The following PLPP1 variants were observed in gnomAD, a reference collection of about 807,000 sequenced individuals.
The protein encoded by PLPP1 is phospholipid phosphatase 1, also known as lipid phosphate phosphohydrolase 1a.
In PLPP1, 24 loss-of-function variants were observed where a neutral mutation model predicts 31.2. The observed-to-expected ratio is 0.77, with a 90% CI of 0.56 to 1.08. The LOEUF is 1.08. Ranked by LOEUF, PLPP1 falls within the 50% of genes least tolerant of loss-of-function variation. The pLI, the probability that PLPP1 is intolerant of heterozygous loss-of-function variation, is 0.00. For missense variants in PLPP1, 319 were observed against 342.7 expected (o/e 0.93, Z 0.55); for synonymous variants, 146 against 126.3 (o/e 1.16, Z -1.05).
intron 4 of PLPP1, among the ~76,000 whole-genome samples, chr5:55,440,316 A>G (rs1018733389): frequency 5.9e-5 from 9 of 152,202 alleles, no homozygotes; most frequent in Non-Finnish European, 1.2e-4. Context: ...TCACAGGCCC[A>G]TGCTCTGGGA....
At chr5:55,517,930 C>G (rs1359963109) in intron 1 of PLPP1, among the ~76,000 whole-genome samples, 3 of 152,248 alleles carry the variant, frequency 2.0e-5, no homozygotes, top group Admixed American at 2.0e-4. Context: ...TCACCGCAAC[C>G]TCTGCCTCCC....
chr5:55,467,715 T>C (rs944552340), intron 3 of PLPP1, among the ~76,000 whole-genome samples, 154 bp downstream of exon 3: 1 of 152,034 alleles, frequency 6.6e-6, no homozygotes, highest in Non-Finnish European at 1.5e-5. Context: ...GAAAAAGGCA[T>C]GATGAGAGAG....
chr5:55,464,373 T>A (rs1752237786), intron 3 of PLPP1, among the ~76,000 whole-genome samples: 1 of 152,064 alleles, frequency 6.6e-6, no homozygotes, highest in Non-Finnish European at 1.5e-5. Context: ...TAGCTGGGAT[T>A]ACAGGTGTGC....
chr5:55,475,132 C>T (rs939636629), intron 2 of PLPP1, among the ~76,000 whole-genome samples, 167 bp downstream of exon 2: 1 of 152,096 alleles, frequency 6.6e-6, no homozygotes, highest in Non-Finnish European at 1.5e-5. Context: ...TATTTTTTGA[C>T]TCCACTTAAA....
chr5:55,472,875 G>A (rs181958397), intron 2 of PLPP1, among the ~76,000 whole-genome samples: 10 of 152,266 alleles, frequency 6.6e-5, no homozygotes, highest in Non-Finnish European at 1.3e-4. Flanking sequence ...GCCCTGTGTA[G>A]GCCGTGCACA....
intron 5 of PLPP1, 61 bp downstream of exon 5, chr5:55,425,801 TC>T: frequency 7.1e-7 from 1 of 1,398,942 alleles, no homozygotes; most frequent in Non-Finnish European, 9.5e-7. Context: ...ATTTTTTTTT[TC>T]TATTTACTTA....
chr5:55,482,238 G>T (rs977248099), intron 1 of PLPP1, among the ~76,000 whole-genome samples: 4 of 149,938 alleles, frequency 2.7e-5, no homozygotes, highest in African/African-American at 9.8e-5. Context: ...CTCCAGTCAG[G>T]ATACGCATTC....
chr5:55,460,829 G>A (rs1752138768), intron 3 of PLPP1, among the ~76,000 whole-genome samples: 1 of 151,978 alleles, frequency 6.6e-6, no homozygotes, highest in Non-Finnish European at 1.5e-5. Context: ...CTGGACAACA[G>A]AACAAGACTC....
intron 1 of PLPP1, among the ~76,000 whole-genome samples, chr5:55,512,686 T>C (rs1224580694): frequency 1.3e-5 from 2 of 151,910 alleles, no homozygotes; most frequent in African/African-American, 4.8e-5. Flanking sequence ...AAATACTATG[T>C]ATTTCCAAAG....
intron 1 of PLPP1, among the ~76,000 whole-genome samples, chr5:55,527,939 C>G (rs1278445172): frequency 1.3e-5 from 2 of 152,136 alleles, no homozygotes; most frequent in African/African-American, 4.8e-5. Flanking sequence ...CAAAGCTAAT[C>G]TGAAACCAAA....
chr5:55,500,891 A>G (rs1427649005), intron 1 of PLPP1, among the ~76,000 whole-genome samples: 1 of 152,262 alleles, frequency 6.6e-6, no homozygotes, highest in East Asian at 1.9e-4. Flanking sequence ...AATTATGCCT[A>G]TAACTTACCT....
chr5:55,431,839 C>T (rs966542173), intron 4 of PLPP1, among the ~76,000 whole-genome samples: 2 of 151,964 alleles, frequency 1.3e-5, no homozygotes, highest in African/African-American at 2.4e-5. Context: ...TAAACGAAAT[C>T]GACAAGAGAA....
chr5:55,528,518 T>C (rs1415437399), intron 1 of PLPP1, among the ~76,000 whole-genome samples: 2 of 152,208 alleles, frequency 1.3e-5, no homozygotes, highest in South Asian at 4.1e-4. Flanking sequence ...CTTCCATCAA[T>C]ATGCATTGAA....
chr5:55,492,161 T>C (rs578108055), intron 1 of PLPP1, among the ~76,000 whole-genome samples: 2 of 152,322 alleles, frequency 1.3e-5, no homozygotes, highest in Non-Finnish European at 2.9e-5. Context: ...GGCTTTGTTT[T>C]ATACAAACTC....
In PLPP1 at chr5:55,511,755, C is replaced by T. The variant is rs1189327279; in HGVS notation, c.58+22817G>A. Among the ~76,000 whole-genome samples, 3 of 147,648 alleles carry T rather than the reference C, an allele frequency of 2.0e-5. No individual in the cohort carries two copies. In the Admixed American group the frequency reaches 2.1e-4, roughly 10 times the overall value. On this transcript the variant is annotated intron_variant, in intron 1 of 5. Coordinates refer to ENST00000307259, the MANE Select transcript of PLPP1 (RefSeq NM_003711.4). The stretch of plus-strand genomic sequence containing the variant: ...CTCTGCTCACTGCAAGCTCCGCCTC[C>T]AGGGTTGACGCCATTCTCCTGCCTC...
chr5:55,427,777 G>GC (rs1751244049), intron 4 of PLPP1, among the ~76,000 whole-genome samples: 1 of 148,376 alleles, frequency 6.7e-6, no homozygotes, highest in Non-Finnish European at 1.5e-5. Context: ...CACTTTTTTG[G>GC]GGGGGGGGAT....
chr5:55,458,914 A>AAAAAAACAAC (rs1387046910), intron 3 of PLPP1, among the ~76,000 whole-genome samples: 1 of 148,868 alleles, frequency 6.7e-6, no homozygotes, highest in Non-Finnish European at 1.5e-5. Context: ...AAAAAAAAAA[A>AAAAAAACAAC]AACACATAGC....
intron 3 of PLPP1, among the ~76,000 whole-genome samples, chr5:55,456,583 T>A (rs1489022689): frequency 6.6e-6 from 1 of 152,170 alleles, no homozygotes; most frequent in Non-Finnish European, 1.5e-5. Flanking sequence ...TAGACTGGAT[T>A]TTTTGCATTT....
chr5:55,503,907 G>T (rs1208660858), intron 1 of PLPP1, among the ~76,000 whole-genome samples: 2 of 44,720 alleles, frequency 4.5e-5, no homozygotes, highest in Admixed American at 4.0e-4. Flanking sequence ...GTAGAGGGGG[G>T]AGGAAGGGGG....
Sources: allele counts gnomAD v4.1 joint callset (sites outside exome capture counted in the v4.1 genomes callset), GRCh38; gene constraint gnomAD v4.1.1; transcripts MANE v1.5; gene names NCBI Gene and HGNC (gene_info 2026-07-23, HGNC 2026-07-21).